PPARGC1A: variants seen among roughly 807,000 people sequenced by gnomAD.
PPARGC1A encodes peroxisome proliferator-activated receptor gamma coactivator 1-alpha.
A neutral mutation model predicts 88.7 loss-of-function variants in PPARGC1A; 25 were observed. The ratio of observed to expected loss-of-function variants is 0.28; its 90% CI spans 0.21 to 0.39. The LOEUF (loss-of-function observed/expected upper bound fraction) is 0.39. Among genes scored for constraint, PPARGC1A ranks in the 10% least tolerant of loss-of-function variants. The probability of loss-of-function intolerance (pLI) is 1.00; values close to 1 mark genes in which losing one functional copy is unlikely to be tolerated. For missense variants in PPARGC1A, 880 were observed against 968.7 expected, an observed-to-expected ratio of 0.91 and a Z score of 1.22; for synonymous variants, 363 against 355.6, an observed-to-expected ratio of 1.02 and a Z score of -0.24.
chr4:24,413,240 A>ATT, the PPARGC1A span, among the ~76,000 whole-genome samples: 39,501 of 141,034 alleles, frequency 0.28, 5,905 homozygotes, highest in Middle Eastern at 0.37. Context: ...GCCTGGCTTC[A>ATT]TTTTTTTTTT....
chr4:24,245,959 A>T, the PPARGC1A span, among the ~76,000 whole-genome samples: 2 of 149,768 alleles, frequency 1.3e-5, no homozygotes, highest in African/African-American at 4.9e-5. Context: ...ACACACACAC[A>T]CTTATGCTTG....
At chr4:24,306,284 A>T in the PPARGC1A span, among the ~76,000 whole-genome samples, 2 of 152,186 alleles carry the variant, frequency 1.3e-5, no homozygotes, top group Non-Finnish European at 2.9e-5. Context: ...TCAACATTTG[A>T]GCACAAGGTG....
intron 1 of PPARGC1A, among the ~76,000 whole-genome samples, chr4:23,897,699 A>G (rs1718770907): frequency 1.3e-5 from 2 of 152,352 alleles, no homozygotes; most frequent in East Asian, 1.9e-4. Context: ...CAATACAGAT[A>G]TTTAACCACT....
At chr4:24,242,795 G>A in the PPARGC1A span, among the ~76,000 whole-genome samples, 2 of 152,170 alleles carry the variant, frequency 1.3e-5, no homozygotes, top group East Asian at 3.9e-4. Context: ...GAGTCCCCAA[G>A]CTCACTCCTG....
the PPARGC1A span, among the ~76,000 whole-genome samples, chr4:24,472,775 C>T: frequency 1.3e-5 from 2 of 151,754 alleles, no homozygotes; most frequent in Non-Finnish European, 1.5e-5. This position sits in a 1 kb window ranked among gnomAD's most constrained non-coding sequence, Gnocchi z 4.5. Flanking sequence ...CGTGTGTGCG[C>T]GCGTGTGTGT....
the PPARGC1A span, among the ~76,000 whole-genome samples, chr4:24,400,147 T>G: frequency 2.6e-5 from 4 of 152,148 alleles, no homozygotes; most frequent in African/African-American, 9.7e-5. Flanking sequence ...TGAAATACAC[T>G]TGTGATGGTT....
chr4:23,887,891 G>T (rs1717176976), intron 1 of PPARGC1A, among the ~76,000 whole-genome samples: 1 of 151,934 alleles, frequency 6.6e-6, no homozygotes, highest in Non-Finnish European at 1.5e-5. Flanking sequence ...GTCTTAGTGG[G>T]GTGTATGTCA....
chr4:24,106,181 A>G, the PPARGC1A span, among the ~76,000 whole-genome samples: 1 of 152,172 alleles, frequency 6.6e-6, no homozygotes, highest in Non-Finnish European at 1.5e-5. Flanking sequence ...ATTTTCTTCC[A>G]GATTTTGCCT....
At chr4:24,007,391 C>A in the PPARGC1A span, among the ~76,000 whole-genome samples, 1 of 152,130 alleles carries the variant, frequency 6.6e-6, no homozygotes, top group African/African-American at 2.4e-5. Flanking sequence ...AGCTTATCAC[C>A]TACTAGAGAT....
chr4:24,360,366 T>G, the PPARGC1A span, among the ~76,000 whole-genome samples: 1 of 152,156 alleles, frequency 6.6e-6, no homozygotes, highest in Non-Finnish European at 1.5e-5. Flanking sequence ...TCCTTGGAAC[T>G]CTCATCCTTC....
At chr4:24,342,909 A>T in the PPARGC1A span, among the ~76,000 whole-genome samples, 5 of 152,110 alleles carry the variant, frequency 3.3e-5, no homozygotes, top group African/African-American at 1.2e-4. Context: ...GTTTCCCCAC[A>T]AGACAACACT....
At chr4:23,925,812 C>T in the PPARGC1A span, among the ~76,000 whole-genome samples, 4 of 151,622 alleles carry the variant, frequency 2.6e-5, no homozygotes, top group Admixed American at 1.3e-4. Context: ...TAGATAGTTA[C>T]TTGCAGTGAA....
At chr4:24,201,551 C>T in the PPARGC1A span, among the ~76,000 whole-genome samples, 3 of 152,306 alleles carry the variant, frequency 2.0e-5, no homozygotes, top group Admixed American at 2.0e-4. Context: ...GCTCAATATT[C>T]GTAGAATAGA....
Position 23,795,482 on chromosome 4 carries a change from GCACACACACCACACACATACATA to G in PPARGC1A, c.*317_*339del, listed in dbSNP as rs1349659831. 1 of 189,740 alleles carries G rather than the reference GCACACACACCACACACATACATA, an allele frequency of 5.3e-6. No homozygotes were observed. The highest frequency in any genetic ancestry group is 1.7e-4 in the East Asian group (1 of 5,900). 11.8% of individuals were successfully genotyped at this position (189,740 alleles called of 1,614,324 possible). A position where few individuals can be genotyped will look rare whatever the true frequency, so the allele number is the denominator to read the frequency against. The stretch of plus-strand genomic sequence containing the variant: ...CCCACACATACTTCCCCTAAACCAA[GCACACACACCACACACATACATA>G]CACACACACATACATGCACACACGC... On this transcript the variant is annotated 3_prime_UTR_variant, in exon 13 of 13. Transcript: ENST00000264867.
the PPARGC1A span, among the ~76,000 whole-genome samples, chr4:24,268,403 A>G: frequency 6.6e-6 from 1 of 152,178 alleles, no homozygotes; most frequent in Admixed American, 6.5e-5. Context: ...TGGCCTTGCA[A>G]ATGCATGTTG....
At chr4:23,948,727 T>A in the PPARGC1A span, among the ~76,000 whole-genome samples, 2 of 152,216 alleles carry the variant, frequency 1.3e-5, no homozygotes, top group African/African-American at 4.8e-5. Context: ...CCTCTTTTCA[T>A]TCTCAAATGT....
the PPARGC1A span, among the ~76,000 whole-genome samples, chr4:24,422,842 A>G: frequency 6.6e-6 from 1 of 152,230 alleles, no homozygotes; most frequent in Admixed American, 6.5e-5. Flanking sequence ...CAAATGCCTG[A>G]GTAAGCATAA....
At chr4:24,079,194 T>C in the PPARGC1A span, among the ~76,000 whole-genome samples, 10 of 152,108 alleles carry the variant, frequency 6.6e-5, no homozygotes, top group Non-Finnish European at 1.5e-4. Flanking sequence ...TTTTAAACTA[T>C]TGATACATGT....
the PPARGC1A span, among the ~76,000 whole-genome samples, chr4:24,382,378 G>C: frequency 2.6e-5 from 4 of 152,106 alleles, no homozygotes; most frequent in Non-Finnish European, 4.4e-5. Flanking sequence ...AGAATTGTTT[G>C]GGTTTCTTAT....
Sources: gnomAD v4.1 joint callset for allele counts (sites outside exome capture counted in the v4.1 genomes callset) on GRCh38, gnomAD v4.1.1 for gene constraint, Gnocchi (gnomAD v3.1) non-coding constraint, MANE v1.5 for transcripts, NCBI Gene and HGNC (gene_info 2026-07-23, HGNC 2026-07-21) for gene names.